CLTA: variants seen among roughly 807,000 people sequenced by gnomAD.
The protein encoded by CLTA is clathrin, light polypeptide (Lca).
Under a neutral mutation model 26.9 loss-of-function variants are expected in CLTA, and 9 were observed. The ratio of observed to expected loss-of-function variants is 0.33; its 90% CI spans 0.20 to 0.58. CLTA has a LOEUF of 0.58. Ranked by LOEUF, CLTA falls within the 20% of genes least tolerant of loss-of-function variation. The probability of loss-of-function intolerance (pLI) is 0.85; values close to 1 mark genes in which losing one functional copy is unlikely to be tolerated. For missense variants in CLTA, 278 were observed against 294.2 expected, an observed-to-expected ratio of 0.94 and a Z score of 0.40; for synonymous variants, 120 against 115.5, an observed-to-expected ratio of 1.04 and a Z score of -0.25.
chr9:36,198,369 A>G (rs1827179543), intron 2 of CLTA, among the ~76,000 whole-genome samples: 1 of 151,676 alleles, frequency 6.6e-6, no homozygotes, highest in Admixed American at 6.6e-5. Context: ...AAAATGTTAA[A>G]GGATTACCTT....
chr9:36,191,900 C>G (rs1826749655), intron 1 of CLTA, among the ~76,000 whole-genome samples: 1 of 152,152 alleles, frequency 6.6e-6, no homozygotes, highest in African/African-American at 2.4e-5. Context: ...ACTTCTGGAG[C>G]TCTTCCTCTG....
intron 2 of CLTA, among the ~76,000 whole-genome samples, chr9:36,198,162 A>G (rs1827165379): frequency 6.6e-6 from 1 of 151,736 alleles, no homozygotes; most frequent in Non-Finnish European, 1.5e-5. Context: ...ACGCCCGGCT[A>G]ATTTTTTGTA....
chr9:36,193,880 C>T (rs1027303963), intron 1 of CLTA, among the ~76,000 whole-genome samples: 1 of 152,076 alleles, frequency 6.6e-6, no homozygotes, highest in Non-Finnish European at 1.5e-5. Flanking sequence ...TTGAGGTAAC[C>T]AGCTGTGGGG....
intron 3 of CLTA, among the ~76,000 whole-genome samples, chr9:36,202,110 CAAAT>C (rs1457571420): frequency 6.6e-6 from 1 of 151,910 alleles, no homozygotes; most frequent in East Asian, 1.9e-4. Flanking sequence ...GACCCTATCT[CAAAT>C]AAAACAAAAA....
At chr9:36,210,323 A>G (rs1827969412) in intron 4 of CLTA, among the ~76,000 whole-genome samples, 1 of 152,124 alleles carries the variant, frequency 6.6e-6, no homozygotes, top group South Asian at 2.1e-4. Context: ...CCCTTAGAAG[A>G]TAGAACTGGG....
At chr9:36,207,283 T>C (rs1827783053) in intron 4 of CLTA, among the ~76,000 whole-genome samples, 3 of 152,232 alleles carry the variant, frequency 2.0e-5, no homozygotes, top group South Asian at 4.1e-4. Context: ...GAATTTCCTT[T>C]TCATAGCCAG....
At chr9:36,197,652 ATT>A in intron 2 of CLTA, 64 bp downstream of exon 2, 1 of 1,298,262 alleles carries the variant, frequency 7.7e-7, no homozygotes. Context: ...TGTGATTTTA[ATT>A]GACTGACCTA....
chr9:36,209,328 G>A lies in CLTA; in HGVS notation c.486-2275G>A, dbSNP rs750821634. 2.5e-6 allele frequency: 4 copies of A among 1,589,362 alleles called. No homozygotes were observed. The African/African-American group carries it at 4.0e-5, about 16-fold the overall frequency. On this transcript the variant is annotated intron_variant, in intron 4 of 4. Transcript: ENST00000345519. ...TGACGTGATTGGTTATGTGTATGTT[G>A]CAAAACTAATTCCTTTTTCTACATC...
rs758949311 is a variant in CLTA, at chr9:36,204,147, C to T, written c.453C>T (p.Asp151=). The T allele has an allele frequency of 1.3e-5, 21 of 1,613,946 alleles. No individual in the cohort carries two copies. The highest frequency in any genetic ancestry group is 6.7e-5 in the Admixed American group (4 of 59,996). The part of the protein sequence containing the change: ...KELEEWYARQ[D]EQLQKTKANN... ...TAGAAGAATGGTATGCAAGACAGGA[C>T]GAGCAGCTACAGAAAACAAAAGCAA... Residue 151 remains aspartate, a synonymous_variant, in exon 4 of 5, where the codon GAC becomes GAT. Transcript: ENST00000345519.
chr9:36,203,926 C>G, intron 3 of CLTA, 142 bp from the exon 4 acceptor site: 1 of 1,123,958 alleles, frequency 8.9e-7, no homozygotes, highest in Non-Finnish European at 1.2e-6. Flanking sequence ...AGTTTATCTT[C>G]CCCTCTCTAC....
chr9:36,199,647 G>A (rs560838156), intron 3 of CLTA, among the ~76,000 whole-genome samples: 2 of 151,628 alleles, frequency 1.3e-5, no homozygotes, highest in African/African-American at 4.8e-5. Flanking sequence ...GTAGAGACAG[G>A]GTTTCACCGT....
At chr9:36,202,412 C>A (rs1827469665) in intron 3 of CLTA, among the ~76,000 whole-genome samples, 1 of 152,244 alleles carries the variant, frequency 6.6e-6, no homozygotes, top group East Asian at 1.9e-4. Context: ...TATCTACTCT[C>A]CTTCTCAAAG....
At chr9:36,193,307 CT>C (rs1018609350) in intron 1 of CLTA, among the ~76,000 whole-genome samples, 1 of 147,190 alleles carries the variant, frequency 6.8e-6, no homozygotes, top group African/African-American at 2.5e-5. Context: ...TCTTAGTTTT[CT>C]TTTTCCTTCT....
intron 1 of CLTA, 119 bp downstream of exon 1, chr9:36,191,392 C>A: frequency 8.3e-7 from 1 of 1,205,370 alleles, no homozygotes; most frequent in Non-Finnish European, 1.1e-6. Flanking sequence ...GGGAGCAGTG[C>A]AAACAGGAAA....
At chr9:36,198,596 G>T (rs995194460) in intron 2 of CLTA, among the ~76,000 whole-genome samples, 15 of 151,420 alleles carry the variant, frequency 9.9e-5, no homozygotes, top group Non-Finnish European at 1.5e-4. Flanking sequence ...AGGAGAATTT[G>T]CTTGAACCCG....
intron 4 of CLTA, among the ~76,000 whole-genome samples, chr9:36,205,394 G>C (rs970664655): frequency 6.6e-6 from 1 of 152,116 alleles, no homozygotes; most frequent in Non-Finnish European, 1.5e-5. Context: ...AGGTGGTGCT[G>C]ACAGGTCCAG....
rs1828077215 is a variant in CLTA at position 36,212,004 on chromosome 9, C to G, written c.*230C>G. The G allele has an allele frequency of 1.5e-6, 1 of 676,972 alleles. No individual in the cohort carries two copies. Among genetic ancestry groups the G allele is most frequent in the African/African-American group, 1.8e-5 (1 of 56,438 alleles). 41.9% of individuals were successfully genotyped at this position (676,972 alleles called of 1,614,324 possible). ...GGGGAGGGAAGCTTCCCAAGAGTAG[C>G]CTCAACCTGTGCTTCTGTGCATTAT... On this transcript the variant is annotated 3_prime_UTR_variant, in exon 5 of 5. Coordinates refer to ENST00000345519, the MANE Select transcript of CLTA (RefSeq NM_001833.4).
chr9:36,197,705 TG>T, intron 2 of CLTA, 117 bp downstream of exon 2: 1 of 716,500 alleles, frequency 1.4e-6, no homozygotes, highest in South Asian at 1.8e-5. Context: ...AATGTATTAC[TG>T]GCTGGTGTGT....
At chr9:36,205,367 T>C (rs1181321854) in intron 4 of CLTA, among the ~76,000 whole-genome samples, 2 of 152,168 alleles carry the variant, frequency 1.3e-5, no homozygotes, top group Non-Finnish European at 2.9e-5. Context: ...GGGGCTGTTG[T>C]TGAGCCTGTG....
Sources: gnomAD v4.1 joint callset for allele counts (sites outside exome capture counted in the v4.1 genomes callset) on GRCh38, gnomAD v4.1.1 for gene constraint, MANE v1.5 for transcripts, NCBI Gene and HGNC (gene_info 2026-07-23, HGNC 2026-07-21) for gene names.